The following SPAG16 variants were observed in gnomAD, a reference collection of about 807,000 sequenced individuals.
SPAG16 encodes sperm-associated antigen 16 protein.
A neutral mutation model predicts 80.4 loss-of-function variants in SPAG16; 86 were observed. The observed-to-expected ratio is 1.07, with a 90% CI of 0.90 to 1.28. The LOEUF (loss-of-function observed/expected upper bound fraction) is 1.28. SPAG16 is among the 50% of genes most tolerant of loss of function. SPAG16 has a pLI of 0.00. For missense variants in SPAG16, 870 were observed against 765.3 expected (o/e 1.14, Z -1.61); for synonymous variants, 294 against 265.9 (o/e 1.11, Z -1.03).
intron 10 of SPAG16, among the ~76,000 whole-genome samples, chr2:213,494,414 G>T (rs1445514167): frequency 6.6e-6 from 1 of 152,132 alleles, no homozygotes; most frequent in African/African-American, 2.4e-5. Flanking sequence ...TACCAAATCT[G>T]TGTGAACTTA....
At chr2:214,192,430 G>T (rs1252407552) in intron 15 of SPAG16, among the ~76,000 whole-genome samples, 1 of 151,946 alleles carries the variant, frequency 6.6e-6, no homozygotes, top group East Asian at 1.9e-4. Flanking sequence ...AGAAAAAAAT[G>T]GAGATTTGTT....
chr2:214,020,125 G>A lies in SPAG16; in HGVS notation c.1527+6048G>A, dbSNP rs147433668. Among the ~76,000 whole-genome samples, 455 of 152,164 alleles carry A rather than the reference G, an allele frequency of 3.0e-3. 3 individuals carry two copies. The highest frequency in any genetic ancestry group is 0.01 in the African/African-American group (435 of 41,536). ...TTTATTTCACAACTGAGAAAGTGGAGCCTGAGGAAGTAAGTTGCGCAAGAA... is the reference window on the plus strand; with the variant it reads ...TTTATTTCACAACTGAGAAAGTGGAACCTGAGGAAGTAAGTTGCGCAAGAA... On this transcript the variant is annotated intron_variant, in intron 13 of 15. Coordinates refer to ENST00000331683, the MANE Select transcript of SPAG16 (RefSeq NM_024532.5).
Position 214,144,799 on chromosome 2 carries a change from T to C in SPAG16, c.1594-4341T>C, listed in dbSNP as rs944759604. 4.6e-5 allele frequency among the ~76,000 whole-genome samples: 7 copies of C among 152,198 alleles called. No homozygotes were observed. In the East Asian group the frequency reaches 1.2e-3, roughly 25 times the overall value. On this transcript the variant is annotated intron_variant, in intron 14 of 15. Coordinates refer to ENST00000331683, the MANE Select transcript of SPAG16 (RefSeq NM_024532.5). ...TTTATATATATAACATACGTGTATA[T>C]GAAACCCAGCAAGTTGAACCAAGAA...
chr2:214,128,661 C>T (rs985738983), intron 14 of SPAG16, among the ~76,000 whole-genome samples: 5 of 151,792 alleles, frequency 3.3e-5, no homozygotes, highest in African/African-American at 7.2e-5. Context: ...TTTCAGATCC[C>T]AACTATCACT....
Position 213,375,043 on chromosome 2 carries a change from A to G in SPAG16, c.866A>G (p.Glu289Gly). The G allele has an allele frequency of 6.2e-7, 1 of 1,608,758 alleles. No homozygotes were observed. Among genetic ancestry groups the G allele is most frequent in the Non-Finnish European group, 8.5e-7 (1 of 1,178,116 alleles). Residue 289 changes from glutamate (E) to glycine (G), a missense_variant, in exon 9 of 16, where the codon GAA becomes GGA. Glu to Gly is a moderately conservative substitution (Grantham distance 98). Coordinates refer to ENST00000331683, the MANE Select transcript of SPAG16 (RefSeq NM_024532.5). Reference protein sequence around the residue: ...DHSREKENAPEGPTQKGLREA... With the variant: ...DHSREKENAPGGPTQKGLREA... ...AGTCGTGAAAAAGAAAATGCACCAG[A>G]AGGTCCTACTCAGAAAGGTCTTCGT...
At chr2:213,442,797 A>G (rs760982431) in intron 9 of SPAG16, among the ~76,000 whole-genome samples, 4 of 152,226 alleles carry the variant, frequency 2.6e-5, no homozygotes, top group Non-Finnish European at 2.9e-5. Context: ...TGAAATTACT[A>G]AACTATGAAA....
At chr2:214,196,219 A>G (rs372111003) in intron 15 of SPAG16, among the ~76,000 whole-genome samples, 69 of 152,076 alleles carry the variant, frequency 4.5e-4, no homozygotes, top group African/African-American at 1.5e-3. Flanking sequence ...TCAACATGCC[A>G]TTTCAATCTT....
chr2:213,301,742 T>A (rs903924979), intron 3 of SPAG16, among the ~76,000 whole-genome samples: 1 of 152,134 alleles, frequency 6.6e-6, no homozygotes, highest in Non-Finnish European at 1.5e-5. Context: ...TGTCTACCCT[T>A]CCACCTGCCT....
chr2:213,698,490 G>C (rs1019438806), intron 10 of SPAG16, among the ~76,000 whole-genome samples: 4 of 152,252 alleles, frequency 2.6e-5, no homozygotes, highest in African/African-American at 7.2e-5. Context: ...TCAAACTCCT[G>C]GGTTCAAGCA....
At chr2:214,078,430 C>T (rs1356088088) in intron 13 of SPAG16, among the ~76,000 whole-genome samples, 1 of 151,194 alleles carries the variant, frequency 6.6e-6, no homozygotes, top group Non-Finnish European at 1.5e-5. Flanking sequence ...GTGGCGCACT[C>T]CTAGAGTCCC....
chr2:213,497,446 GTTT>G (rs369848596), intron 10 of SPAG16, among the ~76,000 whole-genome samples: 4 of 136,696 alleles, frequency 2.9e-5, no homozygotes, highest in Non-Finnish European at 3.2e-5. Context: ...GTTCTACCTT[GTTT>G]TTTTTTTTTT....
At chr2:213,999,240 C>A (rs1483956937) in intron 12 of SPAG16, among the ~76,000 whole-genome samples, 2 of 152,162 alleles carry the variant, frequency 1.3e-5, no homozygotes, top group African/African-American at 4.8e-5. Context: ...CCAGGATCCC[C>A]ATGTTGTATG....
intron 3 of SPAG16, among the ~76,000 whole-genome samples, chr2:213,301,844 A>G (rs1245356081): frequency 2.6e-5 from 4 of 151,398 alleles, no homozygotes; most frequent in African/African-American, 9.7e-5. Flanking sequence ...TTGAATTGTC[A>G]CTCCTTGTTT....
chr2:214,275,275 GT>G (rs1366690605), intron 15 of SPAG16, among the ~76,000 whole-genome samples: 1 of 152,094 alleles, frequency 6.6e-6, no homozygotes, highest in East Asian at 1.9e-4. Flanking sequence ...TTTTTGAAGG[GT>G]TTTTTGTGTC....
chr2:214,014,172 T>C, intron 13 of SPAG16, 95 bp downstream of exon 13: 1 of 1,466,068 alleles, frequency 6.8e-7, no homozygotes, highest in Non-Finnish European at 9.2e-7. Context: ...AAAGTGATTG[T>C]GCAAGGGCAT....
At chr2:214,333,424 C>T (rs1258660442) in intron 15 of SPAG16, among the ~76,000 whole-genome samples, 1 of 152,212 alleles carries the variant, frequency 6.6e-6, no homozygotes, top group Non-Finnish European at 1.5e-5. Context: ...GCCCACCTTG[C>T]ATCTGACAGT....
At chr2:213,438,207 G>C (rs2070747173) in intron 9 of SPAG16, among the ~76,000 whole-genome samples, 1 of 152,136 alleles carries the variant, frequency 6.6e-6, no homozygotes, top group Non-Finnish European at 1.5e-5. Context: ...TATATTTATA[G>C]ATACCAGAAA....
At chr2:214,219,996 AT>A (rs1423336716) in intron 15 of SPAG16, among the ~76,000 whole-genome samples, 1 of 152,154 alleles carries the variant, frequency 6.6e-6, no homozygotes, top group Non-Finnish European at 1.5e-5. Context: ...CATTTTGATT[AT>A]TTTTTTATTG....
chr2:213,630,397 A>G (rs1268764287), intron 10 of SPAG16, among the ~76,000 whole-genome samples: 1 of 152,056 alleles, frequency 6.6e-6, no homozygotes, highest in African/African-American at 2.4e-5. Flanking sequence ...AAAAAAAAAA[A>G]AGATGTTTCT....
Sources: allele counts gnomAD v4.1 joint callset (sites outside exome capture counted in the v4.1 genomes callset), GRCh38; gene constraint gnomAD v4.1.1; transcripts MANE v1.5; gene names NCBI Gene and HGNC (gene_info 2026-07-23, HGNC 2026-07-21).